The following ARHGAP17 variants were observed in gnomAD, a reference collection of about 807,000 sequenced individuals.
ARHGAP17 encodes the protein Rho GTPase activating protein 17.
ARHGAP17 carries 57 observed loss-of-function variants against 99.5 expected under a neutral mutation model. That is an observed-to-expected ratio of 0.57 (90% confidence interval 0.46 to 0.71). The LOEUF (loss-of-function observed/expected upper bound fraction) is 0.71, where lower values mean the gene tolerates loss of function less well. Ranked by LOEUF, ARHGAP17 falls within the 30% of genes least tolerant of loss-of-function variation. The pLI is 0.00. For synonymous variants in ARHGAP17, 417 were observed against 429.6 expected, an observed-to-expected ratio of 0.97 and a Z score of 0.36; for missense variants, 1,000 against 1,122.4, an observed-to-expected ratio of 0.89 and a Z score of 1.56.
At position 24,947,558 on chromosome 16, in the gene ARHGAP17, T is replaced by C. The variant is rs752069539; in HGVS notation, c.1165A>G (p.Ser389Gly). Residue 389 changes from serine (S) to glycine (G), a missense_variant, in exon 14 of 20, where the codon AGC becomes GGC. This residue lies in a region of ARHGAP17 where 472 missense variants were observed against 611.1 expected (regional missense o/e 0.77). Coordinates refer to ENST00000289968, the MANE Select transcript of ARHGAP17 (RefSeq NM_001006634.3). ...CTGGGAGTCATTTTATTCACATCGC[T>C]GGTCTGAGCAAGCTTTGCAAGGAAC... Reference protein sequence around the residue: ...IKFLAKLAQTSDVNKMTPSNI... With the variant: ...IKFLAKLAQTGDVNKMTPSNI... 2.5e-6 allele frequency: 4 copies of C among 1,613,248 alleles called. No homozygotes were observed. Among genetic ancestry groups the C allele is most frequent in the Non-Finnish European group, 3.4e-6 (4 of 1,179,996 alleles).
At chr16:24,966,282 C>T (rs555957874) in intron 6 of ARHGAP17, among the ~76,000 whole-genome samples, 3 of 152,172 alleles carry the variant, frequency 2.0e-5, no homozygotes, top group East Asian at 1.9e-4. Context: ...CATTTACTTG[C>T]GGCCAGGAGT....
At chr16:24,961,138 A>G (rs2051984548) in intron 7 of ARHGAP17, among the ~76,000 whole-genome samples, 1 of 152,056 alleles carries the variant, frequency 6.6e-6, no homozygotes, top group South Asian at 2.1e-4. Context: ...TGCTAGGATT[A>G]CAGGCGTGAG....
chr16:24,920,462 G>T, intron 19 of ARHGAP17: 1 of 563,358 alleles, frequency 1.8e-6, no homozygotes, highest in Non-Finnish European at 3.1e-6. Flanking sequence ...GCACAGCCTT[G>T]CCTCTGGGCT....
intron 1 of ARHGAP17, among the ~76,000 whole-genome samples, chr16:24,988,763 G>A (rs1443875189): frequency 1.3e-5 from 2 of 152,070 alleles, no homozygotes; most frequent in East Asian, 1.9e-4. Context: ...CTCTAACCAC[G>A]TGGCCTGTCT....
chr16:24,967,251 G>A (rs1303896698), intron 6 of ARHGAP17, among the ~76,000 whole-genome samples: 1 of 152,166 alleles, frequency 6.6e-6, no homozygotes, highest in Non-Finnish European at 1.5e-5. Flanking sequence ...TGTACACATT[G>A]TAAATAAAGT....
intron 1 of ARHGAP17, 123 bp from the exon 2 acceptor site, chr16:24,979,128 C>G: frequency 1.5e-6 from 1 of 681,892 alleles, no homozygotes; most frequent in South Asian, 2.1e-5. Context: ...GAAGGGTTGG[C>G]AGGGGCAGTT....
At chr16:24,978,373 T>C (rs866804127) in intron 2 of ARHGAP17, among the ~76,000 whole-genome samples, 1 of 152,184 alleles carries the variant, frequency 6.6e-6, no homozygotes, top group African/African-American at 2.4e-5. Flanking sequence ...TGAGTTCCTG[T>C]GCAAGGTATT....
chr16:24,974,851 T>C (rs2052469028), intron 3 of ARHGAP17, among the ~76,000 whole-genome samples: 1 of 151,972 alleles, frequency 6.6e-6, no homozygotes, highest in Non-Finnish European at 1.5e-5. Context: ...GTTTGGAGGA[T>C]AAAATAAAAG....
chr16:24,978,694 A>C (rs2052586944), intron 2 of ARHGAP17, among the ~76,000 whole-genome samples: 1 of 152,168 alleles, frequency 6.6e-6, no homozygotes, highest in African/African-American at 2.4e-5. Context: ...GAGAAGTGGA[A>C]ACTGAGGCGC....
intron 1 of ARHGAP17, among the ~76,000 whole-genome samples, chr16:24,989,383 G>T (rs1032559429): frequency 6.6e-6 from 1 of 152,150 alleles, no homozygotes. Flanking sequence ...GCCCTGGCAG[G>T]GGCCTATTGA....
chr16:24,929,885 G>A lies in ARHGAP17; in HGVS notation c.2515+899C>T, dbSNP rs529062048. On this transcript the variant is annotated intron_variant, in intron 19 of 19. Transcript: ENST00000289968. ...GCTGCAAAGTCACTCAATATGGTTG[G>A]AAAGCCCAGAGGTGTATTTCAGCTT... 2.0e-4 allele frequency among the ~76,000 whole-genome samples: 31 copies of A among 152,294 alleles called. No homozygotes were observed. In the South Asian group the frequency reaches 4.8e-3, roughly 23 times the overall value.
chr16:24,977,137 G>T, intron 3 of ARHGAP17, 78 bp downstream of exon 3: 1 of 1,224,830 alleles, frequency 8.2e-7, no homozygotes, highest in Non-Finnish European at 1.1e-6. Context: ...TGCCACTTAG[G>T]ACAACCAACC....
intron 9 of ARHGAP17, among the ~76,000 whole-genome samples, chr16:24,958,078 G>A (rs1025641743): frequency 3.9e-5 from 6 of 152,110 alleles, no homozygotes; most frequent in Non-Finnish European, 8.8e-5. Context: ...AGGACAAATC[G>A]CACTTCCTCC....
chr16:24,977,734 C>G (rs1298259641), intron 2 of ARHGAP17, among the ~76,000 whole-genome samples: 1 of 152,100 alleles, frequency 6.6e-6, no homozygotes, highest in Non-Finnish European at 1.5e-5. Flanking sequence ...AAATAAACCT[C>G]TAAAGCAGAA....
chr16:24,945,370 AAG>A (rs138982369), intron 14 of ARHGAP17, among the ~76,000 whole-genome samples: 8,627 of 152,088 alleles, frequency 0.057, 809 homozygotes, highest in African/African-American at 0.2. Context: ...AGAAAAAAGT[AAG>A]AGTTATTATC....
intron 1 of ARHGAP17, among the ~76,000 whole-genome samples, chr16:25,003,843 A>C (rs2141496998): frequency 6.6e-6 from 1 of 152,162 alleles, no homozygotes; most frequent in South Asian, 2.1e-4. Context: ...AAAGCTTTGA[A>C]GAACCAACTT....
chr16:24,954,495 G>A, intron 10 of ARHGAP17, 108 bp downstream of exon 10: 3 of 1,434,396 alleles, frequency 2.1e-6, no homozygotes, highest in South Asian at 2.9e-5. Context: ...ACGGACAATG[G>A]CTGTATAACT....
At chr16:24,967,242 G>T (rs534616881) in intron 6 of ARHGAP17, among the ~76,000 whole-genome samples, 39 of 152,310 alleles carry the variant, frequency 2.6e-4, no homozygotes, top group African/African-American at 8.7e-4. Flanking sequence ...CAACTGATTT[G>T]TACACATTGT....
chr16:25,015,181 C>A, intron 1 of ARHGAP17, 28 bp downstream of exon 1: 6 of 1,280,716 alleles, frequency 4.7e-6, no homozygotes, highest in South Asian at 2.6e-5. Flanking sequence ...AGCCCCGGTG[C>A]GACCCCCGTG....
Sources: gnomAD v4.1 joint callset for allele counts (sites outside exome capture counted in the v4.1 genomes callset) on GRCh38, gnomAD v4.1.1 for gene constraint, gnomAD v4.1.1 regional missense constraint, MANE v1.5 for transcripts, NCBI Gene and HGNC (gene_info 2026-07-23, HGNC 2026-07-21) for gene names.